The following CHLSN variants were observed in gnomAD, a reference collection of about 807,000 sequenced individuals.
The protein encoded by CHLSN is protein cholesin.
the CHLSN span, among the ~76,000 whole-genome samples, chr7:1,115,851 C>T: frequency 2.2e-4 from 26 of 117,642 alleles, 1 homozygote; most frequent in African/African-American, 4.7e-4. Context: ...CCGACGCCCA[C>T]GCAGGATGAT....
At chr7:1,118,946 ACT>A in the CHLSN span, among the ~76,000 whole-genome samples, 2 of 151,820 alleles carry the variant, frequency 1.3e-5, no homozygotes, top group Admixed American at 6.6e-5. Flanking sequence ...ATACTATGAG[ACT>A]CTTAAAAAAA....
At chr7:1,100,687 G>A in the CHLSN span, among the ~76,000 whole-genome samples, 13 of 152,138 alleles carry the variant, frequency 8.5e-5, no homozygotes, top group South Asian at 2.1e-4. Context: ...GGGAGGGGCC[G>A]TCTGTGAAAT....
chr7:1,091,739 C>T, the CHLSN span: 11 of 1,528,696 alleles, frequency 7.2e-6, no homozygotes, highest in Non-Finnish European at 9.7e-6. Context: ...ATGGATGTGA[C>T]TTCCCAAGCC....
chr7:986,354 C>G, the CHLSN span: 1 of 525,296 alleles, frequency 1.9e-6, no homozygotes, highest in Non-Finnish European at 3.4e-6. Context: ...TCCACTGTGG[C>G]AGCTGCCTCC....
the CHLSN span, among the ~76,000 whole-genome samples, chr7:1,062,015 A>G: frequency 5.1e-3 from 775 of 152,274 alleles, 10 homozygotes; most frequent in African/African-American, 0.017. Flanking sequence ...CAACTCCCCA[A>G]TTCTTCCCCA....
At chr7:986,648 G>A in the CHLSN span, 23 of 1,612,586 alleles carry the variant, frequency 1.4e-5, no homozygotes, top group East Asian at 4.5e-5. Flanking sequence ...CCCATGGCTC[G>A]GGGCCCTGCT....
chr7:1,126,540 G>A, the CHLSN span, among the ~76,000 whole-genome samples: 226 of 151,992 alleles, frequency 1.5e-3, 1 homozygote, highest in African/African-American at 5.4e-3. Context: ...AACTAGTCGG[G>A]CGTGGTGGTG....
At chr7:1,136,523 T>G in the CHLSN span, among the ~76,000 whole-genome samples, 28 of 133,750 alleles carry the variant, frequency 2.1e-4, 3 homozygotes, top group African/African-American at 7.0e-4. Flanking sequence ...TATATAAATA[T>G]ATATAAACAT....
the CHLSN span, among the ~76,000 whole-genome samples, chr7:1,116,105 G>A: frequency 0.019 from 1,834 of 98,632 alleles, 157 homozygotes; most frequent in African/African-American, 0.059. Context: ...TCTAGGGACC[G>A]GCTTCCATCA....
chr7:1,115,111 T>A, the CHLSN span, among the ~76,000 whole-genome samples: 1 of 152,246 alleles, frequency 6.6e-6, no homozygotes. Flanking sequence ...AAGTCTCTAC[T>A]TGCTTAAAAA....
the CHLSN span, among the ~76,000 whole-genome samples, chr7:1,017,566 C>T: frequency 6.6e-6 from 1 of 152,206 alleles, no homozygotes; most frequent in African/African-American, 2.4e-5. Flanking sequence ...GAGGGCTCCA[C>T]ACAGCGGGGT....
chr7:1,106,906 G>A, the CHLSN span, among the ~76,000 whole-genome samples: 509 of 152,290 alleles, frequency 3.3e-3, 4 homozygotes, highest in African/African-American at 0.011. Flanking sequence ...GAGCCAGGCC[G>A]GACAGAGGGA....
At chr7:983,304 GC>G in the CHLSN span, 2 of 1,541,552 alleles carry the variant, frequency 1.3e-6, no homozygotes, top group East Asian at 2.5e-5. Context: ...CTGCCCGGTG[GC>G]CCCCGGGGCC....
At chr7:1,009,993 C>T in the CHLSN span, 3 of 1,592,228 alleles carry the variant, frequency 1.9e-6, no homozygotes, top group Non-Finnish European at 2.6e-6. Context: ...GAGCGCCTGG[C>T]AGGCGGGTGC....
the CHLSN span, among the ~76,000 whole-genome samples, chr7:1,126,482 C>G: frequency 6.6e-6 from 1 of 151,760 alleles, no homozygotes; most frequent in South Asian, 2.1e-4. Flanking sequence ...AGTTTCAAGA[C>G]CAGCCTGGCC....
chr7:1,016,133 ACGCCAGCACACAG>A, the CHLSN span, among the ~76,000 whole-genome samples: 2 of 103,712 alleles, frequency 1.9e-5, no homozygotes, highest in African/African-American at 4.9e-5. Flanking sequence ...ACAGCAGCAC[ACGCCAGCACACAG>A]CAGCACACGC....
At chr7:984,294 C>T in the CHLSN span, 3 of 1,351,932 alleles carry the variant, frequency 2.2e-6, no homozygotes, top group African/African-American at 2.9e-5. Flanking sequence ...GTGCCCCCTC[C>T]ACCTGCCCCC....
At chr7:1,115,651 C>T in the CHLSN span, among the ~76,000 whole-genome samples, 1 of 118,514 alleles carries the variant, frequency 8.4e-6, no homozygotes, top group Non-Finnish European at 1.8e-5. Context: ...ATGATGACAT[C>T]ACTACAGCTC....
chr7:1,077,433 G>A, the CHLSN span, among the ~76,000 whole-genome samples: 1 of 152,242 alleles, frequency 6.6e-6, no homozygotes, highest in Non-Finnish European at 1.5e-5. Context: ...GGGATTACAG[G>A]CGTGAGCCAC....
Sources: gnomAD v4.1 joint callset for allele counts (sites outside exome capture counted in the v4.1 genomes callset) on GRCh38, gnomAD v4.1.1 for gene constraint, MANE v1.5 for transcripts, NCBI Gene and HGNC (gene_info 2026-07-23, HGNC 2026-07-21) for gene names.